The following ZMYM2 variants were observed in gnomAD, a reference collection of about 807,000 sequenced individuals.
ZMYM2 encodes zinc finger MYM-type containing 2.
Under a neutral mutation model 162.8 loss-of-function variants are expected in ZMYM2, and 56 were observed. That is an observed-to-expected ratio of 0.34 (90% CI 0.28 to 0.43). ZMYM2 has a LOEUF of 0.43. Among genes scored for constraint, ZMYM2 ranks in the 20% least tolerant of loss-of-function variants. ZMYM2 has a pLI of 1.00. For missense variants in ZMYM2, 1,275 were observed against 1,621.8 expected (o/e 0.79, Z 3.67); for synonymous variants, 510 against 541.6 (o/e 0.94, Z 0.81).
intron 21 of ZMYM2, among the ~76,000 whole-genome samples, chr13:20,081,223 A>G (rs893209273): frequency 4.6e-5 from 7 of 152,154 alleles, no homozygotes; most frequent in East Asian, 1.9e-4. Flanking sequence ...TAGGTTTACA[A>G]TCTGCATCTT....
chr13:19,891,604 C>A, the ZMYM2 span, among the ~76,000 whole-genome samples: 1 of 143,212 alleles, frequency 7.0e-6, no homozygotes, highest in Non-Finnish European at 1.5e-5. Flanking sequence ...AGCAAGATCA[C>A]CTTTACAAAA....
At chr13:20,000,755 TA>T (rs1950331581) in intron 3 of ZMYM2, among the ~76,000 whole-genome samples, 1 of 152,262 alleles carries the variant, frequency 6.6e-6, no homozygotes, top group South Asian at 2.1e-4. Flanking sequence ...TCATACCTGC[TA>T]CCACAATATT....
At chr13:19,984,547 G>C (rs1324763266) in intron 2 of ZMYM2, among the ~76,000 whole-genome samples, 1 of 152,214 alleles carries the variant, frequency 6.6e-6, no homozygotes, top group Non-Finnish European at 1.5e-5. Context: ...TGGAAACTCA[G>C]ATAAGTTATT....
At chr13:19,920,283 A>T in the ZMYM2 span, among the ~76,000 whole-genome samples, 1 of 151,504 alleles carries the variant, frequency 6.6e-6, no homozygotes, top group African/African-American at 2.4e-5. Context: ...CAAAAAAAAC[A>T]TTTTTTTTTA....
At chr13:19,891,113 A>G in the ZMYM2 span, among the ~76,000 whole-genome samples, 2 of 151,894 alleles carry the variant, frequency 1.3e-5, no homozygotes, top group Non-Finnish European at 2.9e-5. Context: ...TTATACAGGG[A>G]TGGGGCCTGC....
the ZMYM2 span, among the ~76,000 whole-genome samples, chr13:19,916,113 A>G: frequency 2.0e-5 from 3 of 152,064 alleles, no homozygotes; most frequent in Non-Finnish European, 2.9e-5. Context: ...CGCCCACCTC[A>G]GCCTCCCAAA....
At chr13:20,021,331 T>C (rs1952077918) in intron 7 of ZMYM2, among the ~76,000 whole-genome samples, 1 of 151,732 alleles carries the variant, frequency 6.6e-6, no homozygotes, top group South Asian at 2.1e-4. Context: ...ATTTTCTTTT[T>C]TTTTCTTCTT....
chr13:19,873,202 T>C, the ZMYM2 span, among the ~76,000 whole-genome samples: 1 of 152,088 alleles, frequency 6.6e-6, no homozygotes, highest in Non-Finnish European at 1.5e-5. Flanking sequence ...GGTCCCAATA[T>C]TTTCCATTGT....
At position 20,059,449 on chromosome 13, in the gene ZMYM2, G is replaced by A; in HGVS notation, c.2626G>A (p.Asp876Asn). The change falls in exon 16 of 25, where the codon GAT becomes AAT. Residue 876 changes from aspartate to asparagine, a missense_variant and splice_region_variant. This residue lies in a region of ZMYM2 where 177 missense variants were observed against 228.0 expected (regional missense o/e 0.78). Transcript: ENST00000610343. The part of the protein sequence containing the change: ...HMQTKSCQTD[D>N]TWRTEYVPVP... Reference sequence around the variant, plus strand: ...TTAAATATGTTTTGTGTTTTTAGATGATACTTGGAGGACAGAATATGTTCC... The same window carrying A: ...TTAAATATGTTTTGTGTTTTTAGATAATACTTGGAGGACAGAATATGTTCC... The A allele has an allele frequency of 6.2e-7, 1 of 1,612,820 alleles. No individual in the cohort carries two copies. Among genetic ancestry groups the A allele is most frequent in the Non-Finnish European group, 8.5e-7 (1 of 1,179,072 alleles).
At chr13:19,918,659 C>T in the ZMYM2 span, among the ~76,000 whole-genome samples, 2 of 151,464 alleles carry the variant, frequency 1.3e-5, no homozygotes, top group East Asian at 4.0e-4. Flanking sequence ...CCACCACGCC[C>T]AGCTAATTTT....
rs772228806 is a variant in ZMYM2 at position 20,026,657 on chromosome 13, A to G, written c.1630A>G (p.Arg544Gly). The change falls in exon 8 of 25, where the codon AGG becomes GGG. Residue 544 changes from arginine to glycine, a missense_variant. Physicochemically the swap from Arg to Gly is moderately radical, Grantham distance 125. Transcript: ENST00000610343. ...TTGTACTGGTTGCCGAACACAGTGC[A>G]GGTTTTTTGATATGACTCAGTGTAT... is the stretch of plus-strand genomic sequence containing the variant. ...TTCTGCRTQC[R>G]FFDMTQCIGP... 6.2e-7 allele frequency: 1 copy of G among 1,610,100 alleles called. No homozygotes were observed. Among genetic ancestry groups the G allele is most frequent in the Non-Finnish European group, 8.5e-7 (1 of 1,179,034 alleles).
chr13:19,970,438 A>G (rs999474286), intron 2 of ZMYM2, among the ~76,000 whole-genome samples: 1 of 152,132 alleles, frequency 6.6e-6, no homozygotes, highest in Non-Finnish European at 1.5e-5. Context: ...AAGGATAGAG[A>G]TAAATTATAT....
At chr13:20,034,551 T>G in intron 11 of ZMYM2, 147 bp downstream of exon 11, 1 of 692,134 alleles carries the variant, frequency 1.4e-6, no homozygotes, top group East Asian at 3.1e-5. Context: ...TTTCGTTATT[T>G]TATATGTGTT....
chr13:19,911,746 C>G, the ZMYM2 span, among the ~76,000 whole-genome samples: 1 of 152,198 alleles, frequency 6.6e-6, no homozygotes, highest in Non-Finnish European at 1.5e-5. Context: ...TTGCAATAGA[C>G]ATACTCAGCA....
At position 20,016,468 on chromosome 13, in the gene ZMYM2, A is replaced by G. The variant is rs566173960; in HGVS notation, c.1513-3079A>G. 1.7e-4 allele frequency among the ~76,000 whole-genome samples: 26 copies of G among 152,280 alleles called. No individual in the cohort carries two copies. In the East Asian group the frequency reaches 5.0e-3, roughly 29 times the overall value. ...CCATATATTTACTAAAGATTGGGTC[A>G]AGTGTATTCCTTCCATTTCAATAAA... On this transcript the variant is annotated intron_variant, in intron 6 of 24. Coordinates refer to ENST00000610343, the MANE Select transcript of ZMYM2 (RefSeq NM_197968.4).
At chr13:19,920,184 T>G in the ZMYM2 span, among the ~76,000 whole-genome samples, 1 of 152,188 alleles carries the variant, frequency 6.6e-6, no homozygotes, top group Admixed American at 6.6e-5. Context: ...TTTCAAGTAC[T>G]AATCCTCTAG....
chr13:20,033,160 A>G (rs1953356312), intron 10 of ZMYM2, among the ~76,000 whole-genome samples: 1 of 152,088 alleles, frequency 6.6e-6, no homozygotes, highest in Non-Finnish European at 1.5e-5. Context: ...AAAGAAATCC[A>G]TTAGCAAGCA....
At chr13:19,923,305 C>G in the ZMYM2 span, among the ~76,000 whole-genome samples, 2 of 127,444 alleles carry the variant, frequency 1.6e-5, no homozygotes, top group African/African-American at 5.9e-5. Flanking sequence ...TGCAGTGAGC[C>G]GAGATCGCGC....
At chr13:20,040,856 A>T (rs1171070508) in intron 12 of ZMYM2, among the ~76,000 whole-genome samples, 8 of 152,288 alleles carry the variant, frequency 5.3e-5, no homozygotes, top group African/African-American at 1.4e-4. Flanking sequence ...TAATCTCATT[A>T]TTTACCCAAA....
Sources: allele counts gnomAD v4.1 joint callset (sites outside exome capture counted in the v4.1 genomes callset), GRCh38; gene constraint gnomAD v4.1.1; regional missense constraint gnomAD v4.1.1; transcripts MANE v1.5; gene names NCBI Gene and HGNC (gene_info 2026-07-23, HGNC 2026-07-21).